The following PRRC2C variants were observed in gnomAD, a reference collection of about 807,000 sequenced individuals.
PRRC2C encodes the protein proline rich coiled-coil 2C.
A neutral mutation model predicts 317.2 loss-of-function variants in PRRC2C; 72 were observed. The ratio of observed to expected loss-of-function variants is 0.23; its 90% CI spans 0.19 to 0.28. The LOEUF is 0.28. PRRC2C is among the 10% of genes least tolerant of loss of function. PRRC2C has a pLI of 1.00. For missense variants in PRRC2C, 3,074 were observed against 3,459.7 expected, an observed-to-expected ratio of 0.89 and a Z score of 2.80; for synonymous variants, 1,296 against 1,205.9, an observed-to-expected ratio of 1.07 and a Z score of -1.55.
Position 171,566,222 on chromosome 1 carries a change from T to C in PRRC2C, c.6118-11T>C, listed in dbSNP as rs1683632386. 1.3e-6 allele frequency: 2 copies of C among 1,597,740 alleles called. No individual in the cohort carries two copies. The highest frequency in any genetic ancestry group is 1.1e-5 in the South Asian group (1 of 88,008). On this transcript the variant is annotated splice_polypyrimidine_tract_variant and intron_variant, in intron 20 of 34. Coordinates refer to ENST00000647382, the MANE Select transcript of PRRC2C (RefSeq NM_001387844.1). The stretch of plus-strand genomic sequence containing the variant: ...ACTTTGCAAGCAAGTTTTAAAATAT[T>C]CTTTTACTAGGGAGCGAAGAATGGT...
intron 17 of PRRC2C, among the ~76,000 whole-genome samples, chr1:171,549,381 C>A (rs1483061479): frequency 6.6e-6 from 1 of 152,068 alleles, no homozygotes; most frequent in African/African-American, 2.4e-5. Context: ...GTAACAGCCA[C>A]CTCTTAGAAT....
rs767721942 is a variant in PRRC2C, at chr1:171,515,758, A to G, written c.425A>G (p.Gln142Arg). 1.2e-6 allele frequency: 2 copies of G among 1,608,754 alleles called. No individual in the cohort carries two copies. Among genetic ancestry groups the G allele is most frequent in the African/African-American group, 1.3e-5 (1 of 74,624 alleles). The change falls in exon 5 of 35, where the codon CAG becomes CGG. Residue 142 changes from glutamine (Q) to arginine (R), a missense_variant. Gln to Arg is a conservative substitution (Grantham distance 43). Coordinates refer to ENST00000647382, the MANE Select transcript of PRRC2C (RefSeq NM_001387844.1). ...GGAATCCAAGTGAATAGTCAGTTTCAGCAAGAATTTCCCAGCCTGCAGGCA... is the reference window on the plus strand; with the variant it reads ...GGAATCCAAGTGAATAGTCAGTTTCGGCAAGAATTTCCCAGCCTGCAGGCA... Reference protein sequence around the residue: ...GDGIQVNSQFQQEFPSLQAAG... With the variant: ...GDGIQVNSQFRQEFPSLQAAG...
At position 171,593,263 on chromosome 1, in the gene PRRC2C, T is replaced by C. The variant is rs1306173750; in HGVS notation, c.*1416T>C. The C allele has an allele frequency of 6.8e-6, 1 of 147,736 alleles. No individual in the cohort carries two copies. The highest frequency in any genetic ancestry group is 1.5e-5 in the Non-Finnish European group (1 of 67,022). 9.2% of individuals were successfully genotyped at this position (147,736 alleles called of 1,614,324 possible). On this transcript the variant is annotated 3_prime_UTR_variant, in exon 35 of 35. Coordinates refer to ENST00000647382, the MANE Select transcript of PRRC2C (RefSeq NM_001387844.1). ...ATTGGTCTTTTTATATAAATATATA[T>C]ATATATATACATATATATATATAAT...
chr1:171,584,087 A>C lies in PRRC2C; in HGVS notation c.7541A>C (p.Gln2514Pro), dbSNP rs758573710. ...AKAQSGLAFQ[Q>P]TSNTQPIPIL... ...GCACAATCCGGTCTTGCCTTTCAGC[A>C]AACATCAAATACTCAGCCCATTCCT... The change falls in exon 29 of 35, where the codon CAA becomes CCA. Residue 2514 changes from glutamine (Q) to proline (P), a missense_variant. Around this residue, in one of 11 missense-constraint regions of PRRC2C, gnomAD observed 490 missense variants for 663.1 expected, o/e 0.74. Coordinates refer to ENST00000647382, the MANE Select transcript of PRRC2C (RefSeq NM_001387844.1). The C allele has an allele frequency of 1.2e-6, 2 of 1,613,988 alleles. No individual in the cohort carries two copies. The highest frequency in any genetic ancestry group is 1.7e-5 in the Admixed American group (1 of 60,028).
chr1:171,517,730 G>A lies in PRRC2C; in HGVS notation c.666G>A (p.Arg222=), dbSNP rs367764012. 6.2e-7 allele frequency: 1 copy of A among 1,613,798 alleles called. No homozygotes were observed. Among genetic ancestry groups the A allele is most frequent in the Non-Finnish European group, 8.5e-7 (1 of 1,179,864 alleles). ...ATATCCTCAAAGTGGTGGAAAAGAG[G>A]ATAGCTTGTGGTCCTCCACAGGCTA... The part of the protein sequence containing the change: ...QNDILKVVEK[R]IACGPPQAKL... Residue 222 remains arginine (R), a synonymous_variant, in exon 6 of 35, where the codon AGG becomes AGA. Coordinates refer to ENST00000647382, the MANE Select transcript of PRRC2C (RefSeq NM_001387844.1).
intron 17 of PRRC2C, among the ~76,000 whole-genome samples, chr1:171,548,110 C>T (rs563134416): frequency 1.2e-4 from 18 of 152,140 alleles, no homozygotes; most frequent in African/African-American, 3.9e-4. Flanking sequence ...GGACTACAGG[C>T]GCGCACCACT....
At chr1:171,526,082 A>G (rs568937088) in intron 10 of PRRC2C, among the ~76,000 whole-genome samples, 2 of 152,344 alleles carry the variant, frequency 1.3e-5, no homozygotes, top group African/African-American at 4.8e-5. Flanking sequence ...TCATGAAAGA[A>G]TAGAGGAATA....
At chr1:171,542,445 A>G (rs1678115155) in intron 16 of PRRC2C, among the ~76,000 whole-genome samples, 1 of 152,232 alleles carries the variant, frequency 6.6e-6, no homozygotes, top group Non-Finnish European at 1.5e-5. Flanking sequence ...TACATTTTCC[A>G]GAAGAGTTCT....
In PRRC2C at chr1:171,584,230, A is replaced by G. The variant is rs562698690; in HGVS notation, c.7641+43A>G. 4.0e-6 allele frequency: 6 copies of G among 1,489,488 alleles called. No homozygotes were observed. The East Asian group carries it at 1.1e-4, about 28-fold the overall frequency. The allele number at this position is 1,489,488 out of a possible 1,614,324, so 92.3% of individuals were successfully genotyped here. On this transcript the variant is annotated intron_variant, in intron 29 of 34. Coordinates refer to ENST00000647382, the MANE Select transcript of PRRC2C (RefSeq NM_001387844.1). ...AGCAATGCACCCTCATTGTATTCCT[A>G]TGCCACAGATCATTTTAAGGAAACA...
chr1:171,591,008 T>C (rs1651298301), intron 34 of PRRC2C: 1 of 195,242 alleles, frequency 5.1e-6, no homozygotes, highest in South Asian at 1.8e-4. Flanking sequence ...TGGTAAAATT[T>C]ACAGATTTGA....
intron 23 of PRRC2C, among the ~76,000 whole-genome samples, chr1:171,568,695 C>T (rs1310877408): frequency 2.0e-5 from 3 of 151,948 alleles, no homozygotes; most frequent in African/African-American, 7.3e-5. Flanking sequence ...TACATAAAAC[C>T]TTTTTATAAT....
intron 19 of PRRC2C, among the ~76,000 whole-genome samples, chr1:171,559,523 T>G (rs899125337): frequency 7.2e-5 from 10 of 137,960 alleles, no homozygotes; most frequent in African/African-American, 2.8e-4. Flanking sequence ...TTTTTTTTTT[T>G]TTTTTTTTTT....
chr1:171,577,954 T>TC (rs1318377583), intron 26 of PRRC2C, among the ~76,000 whole-genome samples: 2 of 146,432 alleles, frequency 1.4e-5, no homozygotes, highest in Non-Finnish European at 3.0e-5. Flanking sequence ...ATTTTTCTTT[T>TC]TTTTTTTTTT....
chr1:171,486,278 G>T (rs1666082150), intron 1 of PRRC2C, among the ~76,000 whole-genome samples: 1 of 151,974 alleles, frequency 6.6e-6, no homozygotes, highest in Non-Finnish European at 1.5e-5. Context: ...GAGGCTCTTC[G>T]GGGAATCAAG....
rs1235761398 is a variant in PRRC2C at position 171,557,573 on chromosome 1, G to A, written c.5461G>A (p.Val1821Ile). ...AGCCTCAGCCTCAGTCTCAGCTTCA[G>A]TTCCAGCCTCTACTTCAGCTGCAGC... ...VSASASVSAS[V>I]PASTSAAAIT... The change falls in exon 19 of 35, where the codon GTT becomes ATT. Residue 1821 changes from valine (V) to isoleucine (I), a missense_variant. Physicochemically the swap from Val to Ile is conservative, Grantham distance 29. Around this residue, in one of 11 missense-constraint regions of PRRC2C, gnomAD observed 640 missense variants for 676.1 expected, o/e 0.95. Coordinates refer to ENST00000647382, the MANE Select transcript of PRRC2C (RefSeq NM_001387844.1). The A allele has an allele frequency of 1.9e-6, 3 of 1,551,624 alleles. No individual in the cohort carries two copies. In the South Asian group the frequency reaches 3.6e-5, roughly 18 times the overall value.
intron 34 of PRRC2C, chr1:171,591,373 GTT>G (rs35289979): frequency 1.2e-3 from 322 of 267,732 alleles, no homozygotes; most frequent in Middle Eastern, 4.4e-3. Flanking sequence ...TGGTCCTGTG[GTT>G]TTTTTTTTTT....
chr1:171,487,754 A>G (rs943925676), intron 1 of PRRC2C, among the ~76,000 whole-genome samples: 6 of 152,200 alleles, frequency 3.9e-5, no homozygotes, highest in Admixed American at 3.9e-4. Flanking sequence ...AGTGCATAGT[A>G]AAAGGTCAAC....
chr1:171,592,104 T>TAA lies in PRRC2C; in HGVS notation c.*258_*259insAA. On this transcript the variant is annotated 3_prime_UTR_variant, in exon 35 of 35. Transcript: ENST00000647382. ...CATGCATCTTCAGTCAGAATTTATA[T>TAA]ATAAATGTATGCACCCATTTTTTTG... The TAA allele has an allele frequency of 2.5e-6, 1 of 394,658 alleles. No homozygotes were observed. The highest frequency in any genetic ancestry group is 2.0e-5 in the African/African-American group (1 of 49,342). The allele number at this position is 394,658 out of a possible 1,614,324, so 24.4% of individuals were successfully genotyped here. A position where few individuals can be genotyped will look rare whatever the true frequency, so the allele number is the denominator to read the frequency against.
chr1:171,549,989 G>GTT (rs11358319), intron 17 of PRRC2C, 97 bp from the exon 18 acceptor site: 773 of 717,870 alleles, frequency 1.1e-3, no homozygotes, highest in South Asian at 2.1e-3. Context: ...CCTTTGGCTA[G>GTT]TTTTTTTTTT....
Sources: allele counts gnomAD v4.1 joint callset (sites outside exome capture counted in the v4.1 genomes callset), GRCh38; gene constraint gnomAD v4.1.1; regional missense constraint gnomAD v4.1.1; transcripts MANE v1.5; gene names NCBI Gene and HGNC (gene_info 2026-07-23, HGNC 2026-07-21).